The following LRSAM1 variants were observed in gnomAD, a reference collection of about 807,000 sequenced individuals.
LRSAM1 encodes E3 ubiquitin-protein ligase LRSAM1.
Under a neutral mutation model 118.1 loss-of-function variants are expected in LRSAM1, and 96 were observed. The ratio of observed to expected loss-of-function variants is 0.81; its 90% CI spans 0.69 to 0.96. The LOEUF is 0.96. Ranked by LOEUF, LRSAM1 falls within the 40% of genes least tolerant of loss-of-function variation. LRSAM1 has a pLI of 0.00. For missense variants in LRSAM1, 804 were observed against 915.5 expected (o/e 0.88, Z 1.57); for synonymous variants, 322 against 364.2 (o/e 0.88, Z 1.32).
intron 23 of LRSAM1, 60 bp downstream of exon 23, chr9:127,496,155 C>T (rs925035942): frequency 3.5e-5 from 56 of 1,594,704 alleles, no homozygotes; most frequent in Admixed American, 1.5e-4. Context: ...CCTGACCAGC[C>T]GGGGGTTGAT....
chr9:127,479,813 C>G, intron 13 of LRSAM1, 26 bp from the exon 14 acceptor site: 1 of 1,609,870 alleles, frequency 6.2e-7, no homozygotes, highest in Non-Finnish European at 8.5e-7. Flanking sequence ...GTCCCAGGGG[C>G]TCAGGACCCC....
chr9:127,457,688 G>T (rs1834570475), intron 6 of LRSAM1, among the ~76,000 whole-genome samples: 1 of 152,232 alleles, frequency 6.6e-6, no homozygotes, highest in African/African-American at 2.4e-5. Context: ...ATGGTCCCAG[G>T]CAAGAAGGAA....
intron 21 of LRSAM1, among the ~76,000 whole-genome samples, chr9:127,494,413 G>A (rs1001909866): frequency 6.6e-6 from 1 of 152,254 alleles, no homozygotes; most frequent in African/African-American, 2.4e-5. Context: ...ACCCTGGGCA[G>A]GTTACTCATC....
In LRSAM1 at chr9:127,457,397, C is replaced by T. The variant is rs998198362; in HGVS notation, c.252+4C>T. The stretch of plus-strand genomic sequence containing the variant: ...CCTGAGTCTGGCAACCATCAAGGTA[C>T]TGGGCCCTCCTCCCAGGCAGCTGGG... On this transcript the variant is annotated splice_donor_region_variant and intron_variant, in intron 6 of 25. Coordinates refer to ENST00000300417, the MANE Select transcript of LRSAM1 (RefSeq NM_001005373.4). 1.2e-6 allele frequency: 2 copies of T among 1,613,902 alleles called. No individual in the cohort carries two copies. Among genetic ancestry groups the T allele is most frequent in the African/African-American group, 1.3e-5 (1 of 74,958 alleles).
chr9:127,457,130 G>T lies in LRSAM1; in HGVS notation c.175-186G>T, dbSNP rs4837154. 0.11 allele frequency among the ~76,000 whole-genome samples: 16,278 copies of T among 152,312 alleles called. 1,405 individuals are homozygous for T. The highest frequency in any genetic ancestry group is 0.28 in the Admixed American group (4,313 of 15,304). ...GTCTCTTTCACCCTTGAAGATCCAG[G>T]TTTTAAGGAAGGGCATTAGATTCCC... On this transcript the variant is annotated intron_variant, in intron 5 of 25. Coordinates refer to ENST00000300417, the MANE Select transcript of LRSAM1 (RefSeq NM_001005373.4).
At position 127,483,036 on chromosome 9, in the gene LRSAM1, G is replaced by A. The variant is rs549312299; in HGVS notation, c.1159+16G>A. The stretch of plus-strand genomic sequence containing the variant: ...GACGTTGCCTGTGAGTTTTGGGATG[G>A]GGAGCTTGTGAGCACGCTGCCTGCT... On this transcript the variant is annotated intron_variant, in intron 16 of 25. Coordinates refer to ENST00000300417, the MANE Select transcript of LRSAM1 (RefSeq NM_001005373.4). The A allele has an allele frequency of 5.0e-6, 8 of 1,606,448 alleles. No homozygotes were observed. Among genetic ancestry groups the A allele is most frequent in the African/African-American group, 2.7e-5 (2 of 74,982 alleles).
At chr9:127,496,271 G>A (rs1836141312) in intron 23 of LRSAM1, among the ~76,000 whole-genome samples, 176 bp downstream of exon 23, 1 of 152,262 alleles carries the variant, frequency 6.6e-6, no homozygotes, top group African/African-American at 2.4e-5. Context: ...AGCCGCCTGT[G>A]TGTGCCCTGC....
At chr9:127,498,127 GA>G (rs1333974955) in intron 24 of LRSAM1, among the ~76,000 whole-genome samples, 2 of 152,210 alleles carry the variant, frequency 1.3e-5, no homozygotes, top group African/African-American at 4.8e-5. Flanking sequence ...AGCCAAGGAA[GA>G]AGCGGAGGAG....
At chr9:127,476,274 A>G (rs1322544137) in intron 11 of LRSAM1, among the ~76,000 whole-genome samples, 1 of 152,194 alleles carries the variant, frequency 6.6e-6, no homozygotes, top group African/African-American at 2.4e-5. Context: ...TGGATTAGTG[A>G]AAAGGGCAGA....
chr9:127,466,453 TA>T (rs1283566763), intron 9 of LRSAM1, among the ~76,000 whole-genome samples: 1 of 136,610 alleles, frequency 7.3e-6, no homozygotes, highest in African/African-American at 2.7e-5. Flanking sequence ...TATATGAATA[TA>T]TTATCTAACA....
rs774505948 is a variant in LRSAM1, at chr9:127,479,947, C to T, written c.1012C>T (p.Arg338Trp). Residue 338 changes from arginine (R) to tryptophan (W), a missense_variant, in exon 14 of 26, where the codon CGG becomes TGG. Arg to Trp is a moderately radical substitution (Grantham distance 101). Coordinates refer to ENST00000300417, the MANE Select transcript of LRSAM1 (RefSeq NM_001005373.4). ...GCAGACGGAACAGAACATTTCCAGC[C>T]GGATCCAGAAGCTGCTGCAGGACAA... ...LKQTEQNISSRIQKLLQDNQR... is the reference protein window; with the variant it reads ...LKQTEQNISSWIQKLLQDNQR... 1.8e-5 allele frequency: 29 copies of T among 1,614,192 alleles called. No individual in the cohort carries two copies. Among genetic ancestry groups the T allele is most frequent in the East Asian group, 2.2e-5 (1 of 44,868 alleles).
intron 18 of LRSAM1, among the ~76,000 whole-genome samples, chr9:127,488,325 G>A (rs1371876360): frequency 6.6e-6 from 1 of 152,028 alleles, no homozygotes; most frequent in South Asian, 2.1e-4. Flanking sequence ...GCAGTGGTGC[G>A]ATCTCGGCTC....
chr9:127,470,228 AAAG>A (rs1420799673), intron 10 of LRSAM1, among the ~76,000 whole-genome samples: 10 of 152,098 alleles, frequency 6.6e-5, no homozygotes, highest in Admixed American at 3.9e-4. Context: ...TTTATAAAGA[AAAG>A]AAGTTTAATT....
At chr9:127,493,228 A>T (rs1388484999) in intron 21 of LRSAM1, among the ~76,000 whole-genome samples, 2 of 151,560 alleles carry the variant, frequency 1.3e-5, no homozygotes, top group African/African-American at 2.4e-5. Flanking sequence ...TGCCTGGCAA[A>T]TTTTTTTATT....
At chr9:127,455,462 G>C in intron 4 of LRSAM1, 114 bp from the exon 5 acceptor site, 2 of 1,056,108 alleles carry the variant, frequency 1.9e-6, no homozygotes, top group African/African-American at 3.1e-5. Flanking sequence ...ACCTGCTGTG[G>C]CGTTTTGCCC....
At chr9:127,493,543 T>C (rs552158273) in intron 21 of LRSAM1, among the ~76,000 whole-genome samples, 6 of 152,298 alleles carry the variant, frequency 3.9e-5, no homozygotes, top group Admixed American at 2.0e-4. Context: ...GTGGCCCCTA[T>C]TGTTGAGTAT....
At chr9:127,480,609 T>C (rs893189076) in intron 14 of LRSAM1, among the ~76,000 whole-genome samples, 1 of 152,224 alleles carries the variant, frequency 6.6e-6, no homozygotes, top group African/African-American at 2.4e-5. Context: ...AGTCATTTGT[T>C]GGATGCTTCT....
chr9:127,502,204 T>C (rs1836417354), intron 25 of LRSAM1, among the ~76,000 whole-genome samples: 1 of 152,228 alleles, frequency 6.6e-6, no homozygotes, highest in Non-Finnish European at 1.5e-5. Context: ...ATCCCCAGTT[T>C]TATTTAAGAA....
rs964434959 is a variant in LRSAM1, at chr9:127,479,059, A to G, written c.780+96A>G. The G allele has an allele frequency of 4.4e-6, 6 of 1,351,428 alleles. No individual in the cohort carries two copies. In the African/African-American group the frequency reaches 5.8e-5, roughly 13 times the overall value. The allele number at this position is 1,351,428 out of a possible 1,614,324, so 83.7% of individuals were successfully genotyped here. ...TGAGAAAATGACTTCTTCCCAGCTC[A>G]GAATTAGAGGTCACAGTAATGCCTT... On this transcript the variant is annotated intron_variant, in intron 12 of 25. Transcript: ENST00000300417.
Sources: gnomAD v4.1 joint callset for allele counts (sites outside exome capture counted in the v4.1 genomes callset) on GRCh38, gnomAD v4.1.1 for gene constraint, MANE v1.5 for transcripts, NCBI Gene and HGNC (gene_info 2026-07-23, HGNC 2026-07-21) for gene names.